The following CDH13 variants were observed in gnomAD, a reference collection of about 807,000 sequenced individuals.
The protein encoded by CDH13 is cadherin-13.
A neutral mutation model predicts 63.8 loss-of-function variants in CDH13; 24 were observed. The observed-to-expected ratio is 0.38, with a 90% CI of 0.27 to 0.53. The LOEUF is 0.53. Ranked by LOEUF, CDH13 falls within the 20% of genes least tolerant of loss-of-function variation. The pLI, the probability that CDH13 is intolerant of heterozygous loss-of-function variation, is 0.85. For missense variants in CDH13, 1,049 were observed against 903.1 expected, an observed-to-expected ratio of 1.16 and a Z score of -2.07; for synonymous variants, 503 against 355.3, an observed-to-expected ratio of 1.42 and a Z score of -4.67.
At chr16:83,750,054 T>C (rs1912951387) in intron 11 of CDH13, among the ~76,000 whole-genome samples, 2 of 152,146 alleles carry the variant, frequency 1.3e-5, no homozygotes, top group African/African-American at 4.8e-5. Context: ...TCCCAGAACG[T>C]TGGGAGGCTG....
At chr16:82,706,921 T>C (rs1456712343) in intron 1 of CDH13, among the ~76,000 whole-genome samples, 1 of 152,262 alleles carries the variant, frequency 6.6e-6, no homozygotes, top group Non-Finnish European at 1.5e-5. Context: ...ACGAATATTC[T>C]AGTTTAGCCC....
At chr16:83,362,395 G>A (rs760757742) in intron 6 of CDH13, among the ~76,000 whole-genome samples, 5 of 152,208 alleles carry the variant, frequency 3.3e-5, no homozygotes, top group Admixed American at 1.3e-4. Flanking sequence ...AGCAAAATGT[G>A]TAAGTGAAAG....
intron 6 of CDH13, among the ~76,000 whole-genome samples, chr16:83,372,929 C>A (rs200879895): frequency 1.3e-5 from 2 of 152,126 alleles, no homozygotes; most frequent in African/African-American, 4.8e-5. Context: ...GGGAAGCCAG[C>A]AATGGACCTT....
intron 6 of CDH13, among the ~76,000 whole-genome samples, chr16:83,399,358 C>G (rs943869313): frequency 6.6e-6 from 1 of 152,186 alleles, no homozygotes; most frequent in African/African-American, 2.4e-5. Context: ...ATAAATATAA[C>G]TGGAGCTAAT....
At chr16:83,014,744 AT>A (rs372920085) in intron 2 of CDH13, among the ~76,000 whole-genome samples, 8,302 of 29,326 alleles carry the variant, frequency 0.28, 790 homozygotes, top group South Asian at 0.35. Flanking sequence ...AAAAAAAAAA[AT>A]ATATATATAT....
At chr16:83,751,563 A>G (rs568280410) in intron 11 of CDH13, among the ~76,000 whole-genome samples, 2 of 152,326 alleles carry the variant, frequency 1.3e-5, no homozygotes, top group Admixed American at 1.3e-4. Flanking sequence ...CAGGTAAGAG[A>G]AAAGAGAGGA....
At chr16:83,244,831 G>C (rs1904825856) in intron 5 of CDH13, among the ~76,000 whole-genome samples, 1 of 152,168 alleles carries the variant, frequency 6.6e-6, no homozygotes, top group South Asian at 2.1e-4. Context: ...AATGAGGGAA[G>C]CTCATTAGAG....
rs137931276 is a variant in CDH13, at chr16:83,004,067, G to T, written c.158-27943G>T. ...TGGGAAAAAAATATTCTCAGTCAAT[G>T]ACAGGGAATTCTGATTTGATAAGGA... On this transcript the variant is annotated intron_variant, in intron 2 of 13. Transcript: ENST00000567109. Among the ~76,000 whole-genome samples the T allele has an allele frequency of 2.2e-4, 34 of 152,310 alleles. No homozygotes were observed. In the East Asian group the frequency reaches 5.8e-3, roughly 26 times the overall value.
intron 4 of CDH13, among the ~76,000 whole-genome samples, chr16:83,160,980 A>C (rs896069394): frequency 6.6e-6 from 1 of 152,236 alleles, no homozygotes; most frequent in Non-Finnish European, 1.5e-5. Flanking sequence ...GCAACCCAAG[A>C]CAGTCACAGA....
intron 3 of CDH13, among the ~76,000 whole-genome samples, chr16:83,073,924 T>C (rs1324027642): frequency 2.6e-5 from 4 of 152,174 alleles, no homozygotes; most frequent in Non-Finnish European, 5.9e-5. Context: ...GTACAGAATG[T>C]GTAATGGTCA....
At chr16:82,652,259 G>T (rs1459385709) in intron 1 of CDH13, among the ~76,000 whole-genome samples, 1 of 152,132 alleles carries the variant, frequency 6.6e-6, no homozygotes, top group East Asian at 1.9e-4. Flanking sequence ...GGAACCCCTG[G>T]GCTCTGAAAG....
intron 4 of CDH13, among the ~76,000 whole-genome samples, chr16:83,144,957 G>A (rs866517328): frequency 2.6e-5 from 4 of 152,206 alleles, no homozygotes; most frequent in East Asian, 1.9e-4. Flanking sequence ...AAAGGAACAC[G>A]ATTTCACCCT....
intron 3 of CDH13, among the ~76,000 whole-genome samples, chr16:83,118,538 G>T (rs1303902704): frequency 6.6e-6 from 1 of 152,156 alleles, no homozygotes; most frequent in Non-Finnish European, 1.5e-5. Context: ...TCTGGCCTTA[G>T]GCCATCCACA....
intron 5 of CDH13, among the ~76,000 whole-genome samples, chr16:83,225,885 C>A (rs2039823957): frequency 6.6e-6 from 1 of 152,258 alleles, no homozygotes. Context: ...TACCAACCAG[C>A]TAGGTGTGTG....
intron 3 of CDH13, among the ~76,000 whole-genome samples, chr16:83,055,876 C>A (rs1397562561): frequency 1.3e-5 from 2 of 152,060 alleles, no homozygotes; most frequent in African/African-American, 4.8e-5. Context: ...AAGTAAAAAC[C>A]TGTGCTCATC....
chr16:83,386,684 T>G (rs2091680845), intron 6 of CDH13, among the ~76,000 whole-genome samples: 1 of 152,226 alleles, frequency 6.6e-6, no homozygotes. Context: ...ATGAGGAATT[T>G]TCCATCATAC....
chr16:83,349,536 C>T (rs780165862), intron 6 of CDH13, among the ~76,000 whole-genome samples: 8 of 151,914 alleles, frequency 5.3e-5, no homozygotes, highest in Non-Finnish European at 5.9e-5. Context: ...GGACAGATAC[C>T]AGGTAAGGTG....
Position 83,486,491 on chromosome 16 carries a change from C to A in CDH13, c.796C>A (p.Arg266=), listed in dbSNP as rs559812646. ...EGSPTGTTVM[R]MTAFDADDPA... is the part of the protein sequence containing the mutation. ...TGCCCCGGTAGGCACCACAGTGATGCGGATGACAGCCTTTGATGCAGATGA... is the reference window on the plus strand; with the variant it reads ...TGCCCCGGTAGGCACCACAGTGATGAGGATGACAGCCTTTGATGCAGATGA... The change falls in exon 7 of 14, where the codon CGG becomes AGG. Residue 266 remains arginine, a synonymous_variant. Transcript: ENST00000567109. The A allele has an allele frequency of 2.1e-5, 34 of 1,613,066 alleles. No individual in the cohort carries two copies. The East Asian group carries it at 6.9e-4, about 33-fold the overall frequency.
At chr16:83,519,092 C>G (rs954190087) in intron 7 of CDH13, among the ~76,000 whole-genome samples, 3 of 152,148 alleles carry the variant, frequency 2.0e-5, no homozygotes, top group African/African-American at 7.2e-5. Context: ...AGCCTGGAAG[C>G]TTAGAATCTG....
Sources: gnomAD v4.1 joint callset for allele counts (sites outside exome capture counted in the v4.1 genomes callset) on GRCh38, gnomAD v4.1.1 for gene constraint, MANE v1.5 for transcripts, NCBI Gene and HGNC (gene_info 2026-07-23, HGNC 2026-07-21) for gene names.